The following RNLS variants were observed in gnomAD, a reference collection of about 807,000 sequenced individuals.
The protein encoded by RNLS is renalase.
A neutral mutation model predicts 39.8 loss-of-function variants in RNLS; 39 were observed. That is an observed-to-expected ratio of 0.98 (90% CI 0.76 to 1.28). The LOEUF is 1.28. RNLS is among the 50% of genes most tolerant of loss of function. The pLI, the probability that RNLS is intolerant of heterozygous loss-of-function variation, is 0.00. For synonymous variants in RNLS, 147 were observed against 150.7 expected, an observed-to-expected ratio of 0.98 and a Z score of 0.18; for missense variants, 410 against 413.3, an observed-to-expected ratio of 0.99 and a Z score of 0.07.
At chr10:88,570,737 T>C (rs1283552155) in intron 4 of RNLS, among the ~76,000 whole-genome samples, 4 of 152,124 alleles carry the variant, frequency 2.6e-5, no homozygotes, top group Non-Finnish European at 5.9e-5. Context: ...TTTCTAAAGG[T>C]CATATTCTCA....
At chr10:88,293,319 C>T (rs1264935473) in intron 6 of RNLS, among the ~76,000 whole-genome samples, 1 of 152,154 alleles carries the variant, frequency 6.6e-6, no homozygotes, top group African/African-American at 2.4e-5. Flanking sequence ...CACTTCCTTG[C>T]ATTTCTCTAC....
At chr10:88,208,202 C>G in the RNLS span, among the ~76,000 whole-genome samples, 1 of 152,064 alleles carries the variant, frequency 6.6e-6, no homozygotes, top group Non-Finnish European at 1.5e-5. Flanking sequence ...TTCAGGTACT[C>G]ACATCTTATG....
At chr10:88,312,163 T>C (rs1845431848) in intron 6 of RNLS, among the ~76,000 whole-genome samples, 1 of 152,206 alleles carries the variant, frequency 6.6e-6, no homozygotes, top group African/African-American at 2.4e-5. Flanking sequence ...ATTAAAATTA[T>C]GAGTGAGCTG....
the RNLS span, among the ~76,000 whole-genome samples, chr10:88,208,211 T>A: frequency 1.3e-5 from 2 of 152,118 alleles, no homozygotes; most frequent in African/African-American, 4.8e-5. Flanking sequence ...TCACATCTTA[T>A]GGAACCTGCC....
At chr10:88,255,401 A>G in the RNLS span, among the ~76,000 whole-genome samples, 1 of 152,222 alleles carries the variant, frequency 6.6e-6, no homozygotes, top group African/African-American at 2.4e-5. Context: ...TAGAGATCAC[A>G]GAGGCATTTG....
the RNLS span, among the ~76,000 whole-genome samples, chr10:88,246,013 G>T: frequency 2.6e-5 from 4 of 152,274 alleles, no homozygotes; most frequent in East Asian, 7.7e-4. Flanking sequence ...CTTTGTTTTG[G>T]CTAGAATTGC....
intron 4 of RNLS, among the ~76,000 whole-genome samples, chr10:88,504,261 C>A (rs1308986587): frequency 2.6e-5 from 4 of 151,976 alleles, no homozygotes; most frequent in African/African-American, 9.7e-5. Context: ...ACAGTGCATG[C>A]ACAATGGGTT....
At chr10:88,294,025 G>T (rs962683360) in intron 6 of RNLS, among the ~76,000 whole-genome samples, 6 of 152,160 alleles carry the variant, frequency 3.9e-5, no homozygotes, top group Admixed American at 3.3e-4. Context: ...TTCACCCATG[G>T]TTAAATATTT....
the RNLS span, among the ~76,000 whole-genome samples, chr10:88,175,706 T>C: frequency 6.6e-6 from 1 of 152,208 alleles, no homozygotes; most frequent in East Asian, 1.9e-4. Context: ...CTGAAAAGAA[T>C]GTGTATTCTG....
chr10:88,211,915 T>A, the RNLS span, among the ~76,000 whole-genome samples: 1 of 152,178 alleles, frequency 6.6e-6, no homozygotes, highest in Non-Finnish European at 1.5e-5. Context: ...CAAGCTGCAA[T>A]TCAGATAAGA....
intron 5 of RNLS, among the ~76,000 whole-genome samples, chr10:88,328,311 G>C (rs1166716274): frequency 6.6e-6 from 1 of 152,162 alleles, no homozygotes; most frequent in Non-Finnish European, 1.5e-5. Flanking sequence ...ATTGAAAGAA[G>C]TATCTCTCCT....
intron 4 of RNLS, among the ~76,000 whole-genome samples, chr10:88,470,928 T>G (rs929703774): frequency 6.6e-6 from 1 of 152,160 alleles, no homozygotes; most frequent in Admixed American, 6.6e-5. Flanking sequence ...ATTTTAATTT[T>G]TAAACTTAAT....
At chr10:88,311,643 C>T (rs538834397) in intron 6 of RNLS, among the ~76,000 whole-genome samples, 2 of 152,276 alleles carry the variant, frequency 1.3e-5, no homozygotes, top group Admixed American at 6.5e-5. Context: ...TTAGCTTGCC[C>T]TAGACAAACT....
At chr10:88,538,991 GAC>G (rs1403900942) in intron 4 of RNLS, among the ~76,000 whole-genome samples, 1 of 152,086 alleles carries the variant, frequency 6.6e-6, no homozygotes, top group Non-Finnish European at 1.5e-5. Flanking sequence ...TTAATGGGGT[GAC>G]ACATTCTGTG....
At chr10:88,462,648 C>T (rs1285976037) in intron 4 of RNLS, among the ~76,000 whole-genome samples, 1 of 151,744 alleles carries the variant, frequency 6.6e-6, no homozygotes, top group Non-Finnish European at 1.5e-5. Context: ...TAAAATACTA[C>T]AATAGAGGCA....
chr10:88,405,564 C>A (rs762595159), intron 4 of RNLS, among the ~76,000 whole-genome samples: 1 of 151,982 alleles, frequency 6.6e-6, no homozygotes, highest in African/African-American at 2.4e-5. Flanking sequence ...TTTTTCCAAC[C>A]CTTTACTTAA....
intron 4 of RNLS, among the ~76,000 whole-genome samples, chr10:88,506,121 G>A (rs1043795175): frequency 6.6e-6 from 1 of 152,038 alleles, no homozygotes; most frequent in Non-Finnish European, 1.5e-5. Flanking sequence ...AGGAAACAGT[G>A]AGACAAATCC....
chr10:88,464,535 A>G (rs1216875201), intron 4 of RNLS, among the ~76,000 whole-genome samples: 1 of 152,132 alleles, frequency 6.6e-6, no homozygotes, highest in Non-Finnish European at 1.5e-5. Context: ...AGACAATTAC[A>G]GAAACATTTA....
At chr10:88,389,124 A>G (rs556960161) in intron 4 of RNLS, among the ~76,000 whole-genome samples, 1 of 152,314 alleles carries the variant, frequency 6.6e-6, no homozygotes, top group East Asian at 1.9e-4. Context: ...GAGGGATGGT[A>G]TAAATTAACT....
Sources: allele counts gnomAD v4.1 joint callset (sites outside exome capture counted in the v4.1 genomes callset), GRCh38; gene constraint gnomAD v4.1.1; transcripts MANE v1.5; gene names NCBI Gene and HGNC (gene_info 2026-07-23, HGNC 2026-07-21).